Variants in DAB2IP observed in about 807,000 individuals in gnomAD.
DAB2IP encodes disabled homolog 2-interacting protein.
DAB2IP carries 28 observed loss-of-function variants against 107.2 expected under a neutral mutation model. The ratio of observed to expected loss-of-function variants is 0.26; its 90% CI spans 0.19 to 0.36. The LOEUF (loss-of-function observed/expected upper bound fraction) is 0.36. DAB2IP is among the 10% of genes least tolerant of loss of function. The pLI is 1.00. For missense variants in DAB2IP, 1,400 were observed against 1,644.7 expected, an observed-to-expected ratio of 0.85 and a Z score of 2.57; for synonymous variants, 755 against 706.4, an observed-to-expected ratio of 1.07 and a Z score of -1.09.
intron 3 of DAB2IP, among the ~76,000 whole-genome samples, chr9:121,704,535 C>T (rs867379848): frequency 3.3e-5 from 5 of 152,032 alleles, no homozygotes; most frequent in Non-Finnish European, 5.9e-5. Context: ...TCTTGGTTGC[C>T]CTGTTTGGTC....
rs981424602 is a variant in DAB2IP, at chr9:121,698,652, C to T, written c.229-673C>T. Among the ~76,000 whole-genome samples, 1 of 152,166 alleles carries T rather than the reference C, an allele frequency of 6.6e-6. No homozygotes were observed. Among genetic ancestry groups the T allele is most frequent in the African/African-American group, 2.4e-5 (1 of 41,466 alleles). Reference sequence around the variant, plus strand: ...CAACGGTTCCGGGGAGGGGCCCCACCCTGACATCAAGCTACTGCCGCTCTG... The same window carrying T: ...CAACGGTTCCGGGGAGGGGCCCCACTCTGACATCAAGCTACTGCCGCTCTG... On this transcript the variant is annotated intron_variant, in intron 2 of 15. Transcript: ENST00000408936. The surrounding 1 kb of genome is among the most constrained non-coding windows in gnomAD (Gnocchi z 4.1).
intron 1 of DAB2IP, among the ~76,000 whole-genome samples, chr9:121,641,718 C>T (rs1433790578): frequency 6.6e-6 from 1 of 152,200 alleles, no homozygotes; most frequent in Non-Finnish European, 1.5e-5. Context: ...ATCCATGTGT[C>T]ACACCAGGCC....
At chr9:121,738,197 C>G (rs1327443165) in intron 3 of DAB2IP, among the ~76,000 whole-genome samples, 1 of 152,168 alleles carries the variant, frequency 6.6e-6, no homozygotes, top group Non-Finnish European at 1.5e-5. Context: ...AGGAACGGGC[C>G]TTGACCCTAG....
chr9:121,651,793 C>A lies in DAB2IP; in HGVS notation c.18C>A (p.Ser6Arg). 7.0e-7 allele frequency: 1 copy of A among 1,425,302 alleles called. No homozygotes were observed. Among genetic ancestry groups the A allele is most frequent in the Admixed American group, 2.4e-5 (1 of 41,888 alleles). The allele number at this position is 1,425,302 out of a possible 1,614,324, so 88.3% of individuals were successfully genotyped here. The change falls in exon 1 of 16, where the codon AGC becomes AGA. Residue 6 changes from serine to arginine, a missense_variant. Physicochemically the swap from Ser to Arg is moderately radical, Grantham distance 110 (BLOSUM62 -1). This residue lies in a region of DAB2IP where 283 missense variants were observed against 237.0 expected (regional missense o/e 1.19). Coordinates refer to ENST00000408936, the Ensembl canonical transcript of DAB2IP. The surrounding 1 kb of genome is among the most constrained non-coding windows in gnomAD (Gnocchi z 5.1). The stretch of plus-strand genomic sequence containing the variant: ...GCGGCAGCATGTCCGCGGGCGGCAG[C>A]GCCAGGAAGAGCACCGGGAGGTCCT...
At chr9:121,766,513 A>C in exon 9 of DAB2IP, 1 of 1,608,822 alleles carries the variant, frequency 6.2e-7, no homozygotes, top group Non-Finnish European at 8.5e-7. Flanking sequence ...ACGGGAGTTG[A>C]AAGAGGTGTT....
At chr9:121,648,400 G>A (rs1832615119), upstream of DAB2IP, among the ~76,000 whole-genome samples, 1 of 152,156 alleles carries the variant, frequency 6.6e-6, no homozygotes, top group Non-Finnish European at 1.5e-5. Context: ...GACTGGTGGT[G>A]GGAAAGAGTG....
intron 1 of DAB2IP, among the ~76,000 whole-genome samples, chr9:121,652,261 C>T (rs145817525): frequency 5.1e-4 from 78 of 152,292 alleles, no homozygotes; most frequent in Admixed American, 1.2e-3. Context: ...CCTTCCCAGC[C>T]CAGGCCGCGG....
intron 13 of DAB2IP, among the ~76,000 whole-genome samples, chr9:121,774,986 C>A (rs1480195546): frequency 6.6e-6 from 1 of 152,194 alleles, no homozygotes; most frequent in Non-Finnish European, 1.5e-5. Context: ...TTCTTCCCCA[C>A]CCCCGGGAAA....
chr9:121,576,976 G>A (rs1830074872), intron 1 of DAB2IP, among the ~76,000 whole-genome samples: 1 of 152,146 alleles, frequency 6.6e-6, no homozygotes, highest in Admixed American at 6.6e-5. Flanking sequence ...CCAGGGTCCT[G>A]TCACCTCCCC....
chr9:121,661,004 G>A (rs975785443), intron 1 of DAB2IP, among the ~76,000 whole-genome samples: 1 of 152,162 alleles, frequency 6.6e-6, no homozygotes, highest in Non-Finnish European at 1.5e-5. Context: ...AGCGAGAGGA[G>A]TGGGAGCTGG....
chr9:121,641,905 CTT>C (rs113581673), intron 1 of DAB2IP, among the ~76,000 whole-genome samples: 13,477 of 118,028 alleles, frequency 0.11, 1,525 homozygotes, highest in African/African-American at 0.3. Context: ...TTCTTTCTTT[CTT>C]TCTTTCTTTC....
At chr9:121,697,973 T>C (rs1260700897) in intron 2 of DAB2IP, among the ~76,000 whole-genome samples, 6 of 152,202 alleles carry the variant, frequency 3.9e-5, no homozygotes, top group African/African-American at 1.4e-4. Context: ...TCTGTCATTT[T>C]CTGTCTGTGC....
chr9:121,569,021 GC>G (rs974194055), intron 1 of DAB2IP, among the ~76,000 whole-genome samples: 11 of 152,210 alleles, frequency 7.2e-5, no homozygotes, highest in African/African-American at 2.7e-4. Flanking sequence ...GACAGAGGGG[GC>G]CTTAGGAAAG....
Position 121,635,226 on chromosome 9 carries a change from A to C in DAB2IP, c.41-43452A>C, listed in dbSNP as rs1277972818. Among the ~76,000 whole-genome samples the C allele has an allele frequency of 1.3e-5, 2 of 152,120 alleles. No individual in the cohort carries two copies. The highest frequency in any genetic ancestry group is 2.4e-5 in the African/African-American group (1 of 41,406). ...AGGAGACCCTGGGGCTGTTCATTGG[A>C]CAGCACTAATTCAATGCCTAAAAAT... On this transcript the variant is annotated intron_variant, in intron 1 of 16. Transcript: ENST00000259371. The surrounding 1 kb of genome is among the most constrained non-coding windows in gnomAD (Gnocchi z 4.3).
chr9:121,644,856 G>T (rs529885767), intron 1 of DAB2IP, among the ~76,000 whole-genome samples: 9 of 152,302 alleles, frequency 5.9e-5, no homozygotes, highest in African/African-American at 2.2e-4. Context: ...CACCTGAATG[G>T]GGGCTTCCTA....
At chr9:121,613,007 C>T (rs1831148591) in intron 1 of DAB2IP, among the ~76,000 whole-genome samples, 1 of 152,176 alleles carries the variant, frequency 6.6e-6, no homozygotes, top group South Asian at 2.1e-4. Context: ...CCCATTTGTC[C>T]TGGCTATTCC....
chr9:121,752,471 C>G (rs1418960872), intron 3 of DAB2IP, among the ~76,000 whole-genome samples: 1 of 152,250 alleles, frequency 6.6e-6, no homozygotes, highest in Non-Finnish European at 1.5e-5. Context: ...GGAGCCAGTT[C>G]TGTGACAGAC....
At chr9:121,687,709 C>A (rs1418572093) in intron 2 of DAB2IP, among the ~76,000 whole-genome samples, 1 of 152,184 alleles carries the variant, frequency 6.6e-6, no homozygotes, top group African/African-American at 2.4e-5. Context: ...TTAATCCTTA[C>A]AACTCGAGGC....
exon 16 of DAB2IP, chr9:121,784,947 C>T (rs989551283): frequency 6.6e-6 from 1 of 152,630 alleles, no homozygotes; most frequent in African/African-American, 2.4e-5. Context: ...CTGGGGTTGC[C>T]AGAGGCCCTG....
Sources: gnomAD v4.1 joint callset for allele counts (sites outside exome capture counted in the v4.1 genomes callset) on GRCh38, gnomAD v4.1.1 for gene constraint, gnomAD v4.1.1 regional missense constraint, Gnocchi (gnomAD v3.1) non-coding constraint, MANE v1.5 for transcripts, NCBI Gene and HGNC (gene_info 2026-07-23, HGNC 2026-07-21) for gene names.